The following ZNF215 variants were observed in gnomAD, a reference collection of about 807,000 sequenced individuals.
ZNF215 encodes the protein BWSCR2-associated zinc finger protein 2.
Under a neutral mutation model 27.2 loss-of-function variants are expected in ZNF215, and 24 were observed. That is an observed-to-expected ratio of 0.88 (90% CI 0.64 to 1.24). The LOEUF is 1.24. ZNF215 is among the 50% of genes most tolerant of loss of function. The probability of loss-of-function intolerance (pLI) is 0.00; values close to 1 mark genes in which losing one functional copy is unlikely to be tolerated. For missense variants in ZNF215, 675 were observed against 605.7 expected (o/e 1.11, Z -1.20); for synonymous variants, 210 against 204.0 (o/e 1.03, Z -0.25).
intron 4 of ZNF215, among the ~76,000 whole-genome samples, 174 bp downstream of exon 4, chr11:6,941,827 A>G (rs1849640088): frequency 2.0e-5 from 3 of 152,228 alleles, no homozygotes; most frequent in Admixed American, 6.5e-5. Flanking sequence ...TGTTAGCCAT[A>G]TAGTCTCTGT....
At chr11:6,967,523 T>C (rs1209210037) in intron 5 of ZNF215, among the ~76,000 whole-genome samples, 1 of 152,246 alleles carries the variant, frequency 6.6e-6, no homozygotes, top group Non-Finnish European at 1.5e-5. Context: ...TGATACCTCA[T>C]TGTGGTTTTG....
At chr11:6,948,540 A>C (rs562711901) in intron 6 of ZNF215, among the ~76,000 whole-genome samples, 1 of 152,286 alleles carries the variant, frequency 6.6e-6, no homozygotes, top group African/African-American at 2.4e-5. Context: ...AAGTTTTTTC[A>C]ATATGGAAGA....
At chr11:6,945,096 C>T (rs965208267) in intron 6 of ZNF215, among the ~76,000 whole-genome samples, 4 of 152,114 alleles carry the variant, frequency 2.6e-5, no homozygotes, top group African/African-American at 9.7e-5. Context: ...AAAGGTTATA[C>T]CAATTCATAC....
downstream of ZNF215, among the ~76,000 whole-genome samples, chr11:6,958,941 T>C (rs1194548134): frequency 6.6e-6 from 1 of 152,162 alleles, no homozygotes; most frequent in East Asian, 1.9e-4. Flanking sequence ...TGGCAGCTGA[T>C]TAGATTGTGT....
downstream of ZNF215, among the ~76,000 whole-genome samples, chr11:6,992,669 G>T (rs114054627): frequency 8.9e-3 from 1,357 of 152,256 alleles, 18 homozygotes; most frequent in African/African-American, 0.031. Context: ...CAACCATTGG[G>T]ACTTTTCTTT....
intron 5 of ZNF215, among the ~76,000 whole-genome samples, chr11:6,983,480 C>T (rs1480964455): frequency 6.6e-6 from 1 of 152,158 alleles, no homozygotes; most frequent in Non-Finnish European, 1.5e-5. Flanking sequence ...AACCAATATC[C>T]TTGATGAACA....
intron 6 of ZNF215, among the ~76,000 whole-genome samples, chr11:6,944,233 A>G (rs2638103): frequency 0.93 from 141,600 of 151,572 alleles, 66,230 homozygotes; most frequent in Non-Finnish European, 0.95. Context: ...CCAAGATCGC[A>G]CCACTGCACT....
At chr11:6,935,715 C>G (rs1368764083) in intron 3 of ZNF215, among the ~76,000 whole-genome samples, 1 of 151,940 alleles carries the variant, frequency 6.6e-6, no homozygotes, top group Non-Finnish European at 1.5e-5. Flanking sequence ...CTTGAACTAA[C>G]AAATATACAG....
Position 6,944,735 on chromosome 11 carries a change from A to G in ZNF215, c.712+1094A>G, listed in dbSNP as rs150010137. ...CCATTTTCTTTGTTTGTAATGTTTT[A>G]TCTCTGTGGTTTCTGAATATTTCTT... On this transcript the variant is annotated intron_variant, in intron 6 of 6. Coordinates refer to ENST00000278319, the MANE Select transcript of ZNF215 (RefSeq NM_013250.4). Among the ~76,000 whole-genome samples, 799 of 152,160 alleles carry G rather than the reference A, an allele frequency of 5.3e-3. 12 individuals carry two copies. The highest frequency in any genetic ancestry group is 0.015 in the South Asian group (70 of 4,808).
chr11:6,958,533 C>T (rs920661898), downstream of ZNF215, among the ~76,000 whole-genome samples: 3 of 149,152 alleles, frequency 2.0e-5, no homozygotes, highest in Admixed American at 6.6e-5. Context: ...AACATCTTCT[C>T]GCAGCCTTGT....
chr11:6,942,960 C>T (rs1489186823), intron 4 of ZNF215, 123 bp from the exon 5 acceptor site: 2 of 1,398,610 alleles, frequency 1.4e-6, no homozygotes, highest in East Asian at 2.3e-5. Context: ...ACATTGTCCT[C>T]AGACATTGTC....
chr11:6,987,150 A>G (rs1006433631), downstream of ZNF215, among the ~76,000 whole-genome samples: 42 of 152,334 alleles, frequency 2.8e-4, no homozygotes, highest in African/African-American at 1.0e-3. Flanking sequence ...GGATTGCGTA[A>G]AGAAAATGTG....
chr11:6,932,060 T>C, intron 2 of ZNF215, 34 bp from the exon 3 acceptor site: 3 of 519,508 alleles, frequency 5.8e-6, no homozygotes, highest in Non-Finnish European at 1.0e-5. Flanking sequence ...AATAGATGTT[T>C]GTTCCCTGTG....
At chr11:6,979,940 A>G (rs901343679) in intron 5 of ZNF215, among the ~76,000 whole-genome samples, 5 of 152,128 alleles carry the variant, frequency 3.3e-5, no homozygotes, top group East Asian at 1.9e-4. Flanking sequence ...TTGTTTTTCA[A>G]CCAACTTCCT....
chr11:6,990,060 GC>G (rs1851100327), downstream of ZNF215, among the ~76,000 whole-genome samples: 1 of 152,138 alleles, frequency 6.6e-6, no homozygotes, highest in South Asian at 2.1e-4. Flanking sequence ...ATGCTTCATT[GC>G]CCTATGCTTA....
intron 5 of ZNF215, among the ~76,000 whole-genome samples, chr11:6,964,091 CTTAT>C (rs1360516914): frequency 1.3e-5 from 2 of 151,888 alleles, no homozygotes; most frequent in East Asian, 3.9e-4. Flanking sequence ...TTTTCATGGG[CTTAT>C]TTGTCATATA....
chr11:6,987,484 A>G (rs1363210265), downstream of ZNF215, among the ~76,000 whole-genome samples: 1 of 152,218 alleles, frequency 6.6e-6, no homozygotes, highest in Non-Finnish European at 1.5e-5. Context: ...TGTAACATAC[A>G]TTTGTAACAA....
chr11:6,963,305 T>G (rs1486180435), intron 5 of ZNF215, among the ~76,000 whole-genome samples: 1 of 152,032 alleles, frequency 6.6e-6, no homozygotes, highest in Non-Finnish European at 1.5e-5. Context: ...ATAGGTGGTT[T>G]CATAGAGTAT....
chr11:6,933,743 C>T (rs907827439), intron 3 of ZNF215, among the ~76,000 whole-genome samples: 3 of 146,650 alleles, frequency 2.0e-5, no homozygotes, highest in African/African-American at 7.7e-5. Context: ...TGCAGTGAGC[C>T]GAGATGGCGC....
Sources: gnomAD v4.1 joint callset for allele counts (sites outside exome capture counted in the v4.1 genomes callset) on GRCh38, gnomAD v4.1.1 for gene constraint, MANE v1.5 for transcripts, NCBI Gene and HGNC (gene_info 2026-07-23, HGNC 2026-07-21) for gene names.